Variants in DOCK3 observed in about 807,000 individuals in gnomAD.
DOCK3 encodes the protein dedicator of cytokinesis 3.
DOCK3 carries 60 observed loss-of-function variants against 265.6 expected under a neutral mutation model. That is an observed-to-expected ratio of 0.23 (90% confidence interval 0.18 to 0.28). The LOEUF (loss-of-function observed/expected upper bound fraction) is 0.28, where lower values mean the gene tolerates loss of function less well. Ranked by LOEUF, DOCK3 falls within the 10% of genes least tolerant of loss-of-function variation. The pLI, the probability that DOCK3 is intolerant of heterozygous loss-of-function variation, is 1.00. For synonymous variants in DOCK3, 881 were observed against 938.0 expected (o/e 0.94, Z 1.11); for missense variants, 1,981 against 2,594.3 (o/e 0.76, Z 5.14).
intron 12 of DOCK3, 130 bp downstream of exon 12, chr3:51,160,832 T>TG: frequency 3.5e-6 from 4 of 1,142,748 alleles, no homozygotes; most frequent in Non-Finnish European, 4.7e-6. Context: ...TTCCCAACAC[T>TG]TTGGGAGGCC....
At chr3:50,831,217 A>G (rs1478117396) in intron 2 of DOCK3, among the ~76,000 whole-genome samples, 1 of 55,198 alleles carries the variant, frequency 1.8e-5, no homozygotes, top group African/African-American at 5.0e-5. Flanking sequence ...TTATTTATTT[A>G]TTTATTTATT....
intron 1 of DOCK3, among the ~76,000 whole-genome samples, chr3:50,724,628 G>A (rs1049698759): frequency 9.3e-5 from 14 of 150,468 alleles, no homozygotes; most frequent in African/African-American, 3.4e-4. Flanking sequence ...ACTCAGGTGG[G>A]AATGGAACAA....
At chr3:50,736,618 T>C (rs1258829967) in intron 1 of DOCK3, among the ~76,000 whole-genome samples, 2 of 152,156 alleles carry the variant, frequency 1.3e-5, no homozygotes, top group Non-Finnish European at 2.9e-5. Context: ...TGGTATCTCA[T>C]TGTGGTTTTG....
At chr3:51,329,385 ACAAT>A (rs1399391251) in intron 32 of DOCK3, among the ~76,000 whole-genome samples, 4 of 152,170 alleles carry the variant, frequency 2.6e-5, no homozygotes, top group Admixed American at 6.5e-5. Context: ...CAATCAATCA[ACAAT>A]CAAACAAACA....
chr3:50,787,333 C>A, intron 2 of DOCK3: 1 of 406,782 alleles, frequency 2.5e-6, no homozygotes, highest in Non-Finnish European at 4.5e-6. Flanking sequence ...GTCAGGAGTT[C>A]GAGACCAGCC....
intron 5 of DOCK3, among the ~76,000 whole-genome samples, chr3:50,996,864 C>T (rs1240454643): frequency 1.3e-5 from 2 of 152,210 alleles, no homozygotes; most frequent in African/African-American, 4.8e-5. Context: ...CAATCCCTCG[C>T]TCTGTCTCTG....
intron 23 of DOCK3, among the ~76,000 whole-genome samples, chr3:51,264,877 A>G (rs2080077491): frequency 8.5e-6 from 1 of 118,010 alleles, no homozygotes; most frequent in Admixed American, 8.1e-5. Flanking sequence ...CAGAACAGAG[A>G]CACAAAGAAT....
chr3:51,073,716 GA>G (rs1415315916), intron 6 of DOCK3, among the ~76,000 whole-genome samples: 4 of 151,772 alleles, frequency 2.6e-5, no homozygotes, highest in Admixed American at 6.6e-5. Flanking sequence ...GTGGATAATA[GA>G]AAAAAACACT....
chr3:50,828,172 A>AC (rs1462089203), intron 2 of DOCK3, among the ~76,000 whole-genome samples: 1 of 151,790 alleles, frequency 6.6e-6, no homozygotes, highest in Non-Finnish European at 1.5e-5. Context: ...CAATTGATCC[A>AC]CCCACCTCGG....
At chr3:51,164,619 G>A (rs1401352341) in intron 12 of DOCK3, among the ~76,000 whole-genome samples, 20 of 72,992 alleles carry the variant, frequency 2.7e-4, no homozygotes, top group South Asian at 1.3e-3. Context: ...GCGAGACTCC[G>A]TCTCAAAAAA....
At chr3:51,206,100 A>G (rs905203500) in intron 12 of DOCK3, among the ~76,000 whole-genome samples, 41 of 152,096 alleles carry the variant, frequency 2.7e-4, no homozygotes, top group African/African-American at 9.4e-4. Flanking sequence ...CTGCTCTTTT[A>G]CTGTTTTCCT....
Position 50,933,830 on chromosome 3 carries a change from A to G in DOCK3, c.219-151A>G, listed in dbSNP as rs563148070. On this transcript the variant is annotated intron_variant, in intron 4 of 52. Coordinates refer to ENST00000266037, the MANE Select transcript of DOCK3 (RefSeq NM_004947.5). The stretch of plus-strand genomic sequence containing the variant: ...TTTACTTTCACTGTTGCAGTATATC[A>G]TTATAAAAAGGTCTTTGATCAATTA... 152 of 517,374 alleles carry G rather than the reference A, an allele frequency of 2.9e-4. 1 individual carries two copies. In the South Asian group the frequency reaches 5.8e-3, roughly 20 times the overall value. 32.0% of individuals were successfully genotyped at this position (517,374 alleles called of 1,614,324 possible). A position where few individuals can be genotyped will look rare whatever the true frequency, so the allele number is the denominator to read the frequency against.
intron 5 of DOCK3, among the ~76,000 whole-genome samples, chr3:51,045,404 A>G (rs763620327): frequency 6.6e-6 from 1 of 152,138 alleles, no homozygotes; most frequent in East Asian, 1.9e-4. Flanking sequence ...TAGTAACATC[A>G]GAGATCACTG....
chr3:50,934,114 GT>G (rs748192843), intron 5 of DOCK3, 37 bp downstream of exon 5: 82 of 1,425,674 alleles, frequency 5.8e-5, no homozygotes, highest in Middle Eastern at 3.6e-4. Context: ...GATCATTAAA[GT>G]TTAGTGTACC....
chr3:50,823,441 T>C (rs1000436818), intron 2 of DOCK3, among the ~76,000 whole-genome samples: 1 of 152,204 alleles, frequency 6.6e-6, no homozygotes, highest in African/African-American at 2.4e-5. Flanking sequence ...CATTCAACCC[T>C]GAGTGGACAC....
At chr3:51,341,817 T>C (rs1337244160) in intron 38 of DOCK3, among the ~76,000 whole-genome samples, 2 of 152,252 alleles carry the variant, frequency 1.3e-5, no homozygotes, top group Non-Finnish European at 2.9e-5. Flanking sequence ...CTTACTGGTA[T>C]GTGTTCTTTT....
chr3:50,950,010 CTTT>C (rs36089679), intron 5 of DOCK3, among the ~76,000 whole-genome samples: 1 of 141,244 alleles, frequency 7.1e-6, no homozygotes. Context: ...ATTTTTAAAT[CTTT>C]TTTTTTTTTT....
At chr3:51,043,008 G>A (rs906673505) in intron 5 of DOCK3, among the ~76,000 whole-genome samples, 1 of 152,068 alleles carries the variant, frequency 6.6e-6, no homozygotes, top group Non-Finnish European at 1.5e-5. Context: ...TAATTAAAAC[G>A]GCCATACTGC....
At chr3:51,217,407 C>T (rs2089847131) in intron 14 of DOCK3, among the ~76,000 whole-genome samples, 1 of 152,164 alleles carries the variant, frequency 6.6e-6, no homozygotes, top group South Asian at 2.1e-4. Flanking sequence ...TGCTCATGAC[C>T]CATGATAATG....
Sources: allele counts gnomAD v4.1 joint callset (sites outside exome capture counted in the v4.1 genomes callset), GRCh38; gene constraint gnomAD v4.1.1; transcripts MANE v1.5; gene names NCBI Gene and HGNC (gene_info 2026-07-23, HGNC 2026-07-21).